NRG1: variants seen among roughly 807,000 people sequenced by gnomAD.
The protein encoded by NRG1 is pro-neuregulin-1, membrane-bound isoform.
A neutral mutation model predicts 63.8 loss-of-function variants in NRG1; 18 were observed. The observed-to-expected ratio is 0.28, with a 90% CI of 0.19 to 0.42. The LOEUF (loss-of-function observed/expected upper bound fraction) is 0.42, where lower values mean the gene tolerates loss of function less well. Among genes scored for constraint, NRG1 ranks in the 10% least tolerant of loss-of-function variants. NRG1 has a pLI of 1.00. For missense variants in NRG1, 762 were observed against 814.7 expected (o/e 0.94, Z 0.79); for synonymous variants, 302 against 301.3 (o/e 1.00, Z -0.02).
At chr8:32,557,706 G>T (rs1360873804) in intron 1 of NRG1, among the ~76,000 whole-genome samples, 2 of 151,914 alleles carry the variant, frequency 1.3e-5, no homozygotes, top group Non-Finnish European at 2.9e-5. Context: ...CCTTCCCGGG[G>T]GATTGCTCAT....
At chr8:31,907,716 C>T (rs776909639) in intron 1 of NRG1, among the ~76,000 whole-genome samples, 8 of 152,110 alleles carry the variant, frequency 5.3e-5, no homozygotes, top group Non-Finnish European at 1.0e-4. Flanking sequence ...AATAAACTTA[C>T]GTCTTCTTAG....
At position 32,251,631 on chromosome 8, in the gene NRG1, G is replaced by A. The variant is rs141070391; in HGVS notation, c.38-344197G>A. On this transcript the variant is annotated intron_variant, in intron 1 of 10. Coordinates refer to the NRG1 transcript ENST00000519301. The stretch of plus-strand genomic sequence containing the variant: ...GGTTCTAGATTCTTGAGGAATCGCC[G>A]CACTGTCTTCCACAATGGTTGAACT... Among the ~76,000 whole-genome samples, 29 of 152,202 alleles carry A rather than the reference G, an allele frequency of 1.9e-4. 1 individual carries two copies. The highest frequency in any genetic ancestry group is 4.1e-4 in the South Asian group (2 of 4,824).
chr8:32,257,215 C>A (rs1444770125), intron 1 of NRG1, among the ~76,000 whole-genome samples: 1 of 152,144 alleles, frequency 6.6e-6, no homozygotes, highest in Non-Finnish European at 1.5e-5. Flanking sequence ...TCTTAGCCTG[C>A]TGGGCTCCAT....
At chr8:31,923,911 A>G (rs1388405514) in intron 1 of NRG1, among the ~76,000 whole-genome samples, 1 of 151,996 alleles carries the variant, frequency 6.6e-6, no homozygotes, top group Non-Finnish European at 1.5e-5. Flanking sequence ...CATGATGGAC[A>G]GTGTGCACTC....
intron 1 of NRG1, among the ~76,000 whole-genome samples, chr8:32,296,104 G>A (rs1025569712): frequency 2.0e-5 from 3 of 151,986 alleles, no homozygotes; most frequent in Non-Finnish European, 4.4e-5. Context: ...GATTACCAGC[G>A]CATTAAGGAG....
chr8:31,779,459 G>GAAA (rs57749982), intron 1 of NRG1, among the ~76,000 whole-genome samples: 1 of 145,822 alleles, frequency 6.9e-6, no homozygotes, highest in African/African-American at 2.5e-5. Context: ...GCCCAGAAGG[G>GAAA]AAAAAAAAAA....
intron 1 of NRG1, among the ~76,000 whole-genome samples, chr8:31,855,257 G>T (rs1367769470): frequency 6.6e-6 from 1 of 152,156 alleles, no homozygotes; most frequent in Non-Finnish European, 1.5e-5. Context: ...AAGTCTCTTT[G>T]TAGGTCACTC....
chr8:31,807,587 A>G (rs1178360995), intron 1 of NRG1, among the ~76,000 whole-genome samples: 2 of 152,220 alleles, frequency 1.3e-5, no homozygotes, highest in Non-Finnish European at 2.9e-5. Flanking sequence ...ATTTCATTGT[A>G]GTAAGAAAAC....
At chr8:31,957,558 CA>C (rs1804659749) in intron 1 of NRG1, among the ~76,000 whole-genome samples, 1 of 149,114 alleles carries the variant, frequency 6.7e-6, no homozygotes, top group South Asian at 2.1e-4. Flanking sequence ...CCCACATTTC[CA>C]AAAAGTAATT....
chr8:32,164,131 C>A (rs1043341803), intron 1 of NRG1, among the ~76,000 whole-genome samples: 3 of 152,010 alleles, frequency 2.0e-5, no homozygotes, highest in Non-Finnish European at 4.4e-5. Flanking sequence ...TTGCCTTCAT[C>A]TCTTAGTTTT....
chr8:32,535,323 T>C (rs540688598), intron 1 of NRG1, among the ~76,000 whole-genome samples: 3 of 152,214 alleles, frequency 2.0e-5, no homozygotes, highest in Non-Finnish European at 2.9e-5. Context: ...ATCCTTAGGC[T>C]GTGATATGTT....
chr8:31,769,666 A>G (rs10954813), intron 1 of NRG1, among the ~76,000 whole-genome samples: 114,796 of 152,018 alleles, frequency 0.76, 43,766 homozygotes, highest in East Asian at 0.99. Context: ...AGAGTCTCCC[A>G]ACTTGTGAAT....
intron 1 of NRG1, among the ~76,000 whole-genome samples, chr8:32,119,568 A>T (rs577375608): frequency 5.9e-5 from 9 of 152,104 alleles, no homozygotes; most frequent in Non-Finnish European, 1.3e-4. Flanking sequence ...TCTCTTAGGT[A>T]TTACCATATG....
At chr8:32,523,039 C>T (rs79712795) in intron 1 of NRG1, among the ~76,000 whole-genome samples, 15,757 of 152,102 alleles carry the variant, frequency 0.1, 1,194 homozygotes, top group Admixed American at 0.24. Flanking sequence ...TGTGCTAAAA[C>T]GATCCTCCAC....
intron 1 of NRG1, among the ~76,000 whole-genome samples, chr8:32,535,719 A>G (rs1300654821): frequency 1.3e-5 from 2 of 152,126 alleles, no homozygotes. Context: ...TTGCTTCCCC[A>G]TGTGCCTTGG....
intron 1 of NRG1, among the ~76,000 whole-genome samples, chr8:31,802,324 T>C (rs1308770351): frequency 6.6e-6 from 1 of 152,200 alleles, no homozygotes; most frequent in African/African-American, 2.4e-5. Flanking sequence ...TAAGAATTTA[T>C]TTCTACTCAG....
chr8:32,335,634 A>C lies in NRG1; in HGVS notation c.38-260194A>C, dbSNP rs376108446. Among the ~76,000 whole-genome samples, 5 of 152,326 alleles carry C rather than the reference A, an allele frequency of 3.3e-5. No individual in the cohort carries two copies. In the East Asian group the frequency reaches 7.7e-4, roughly 24 times the overall value. The stretch of plus-strand genomic sequence containing the variant: ...ATAAAAGAGTAGGAAAAAAGACCTC[A>C]GGGCCTTGCACATAATAGGCCTTCC... On this transcript the variant is annotated intron_variant, in intron 1 of 10. Transcript: ENST00000519301.
chr8:32,422,657 C>T (rs1325701238), intron 1 of NRG1, among the ~76,000 whole-genome samples: 1 of 152,248 alleles, frequency 6.6e-6, no homozygotes, highest in African/African-American at 2.4e-5. Context: ...TATGAGATTA[C>T]TTTCTGCCTA....
chr8:32,484,273 C>T (rs1825661580), intron 1 of NRG1, among the ~76,000 whole-genome samples: 1 of 152,116 alleles, frequency 6.6e-6, no homozygotes, highest in Non-Finnish European at 1.5e-5. Flanking sequence ...CAGGTACAAA[C>T]TACTGAACAT....
Sources: gnomAD v4.1 joint callset for allele counts (sites outside exome capture counted in the v4.1 genomes callset) on GRCh38, gnomAD v4.1.1 for gene constraint, MANE v1.5 for transcripts, NCBI Gene and HGNC (gene_info 2026-07-23, HGNC 2026-07-21) for gene names.